LRP1B: variants seen among roughly 807,000 people sequenced by gnomAD.
LRP1B encodes the protein low-density lipoprotein receptor-related protein 1B.
LRP1B carries 217 observed loss-of-function variants against 556.6 expected under a neutral mutation model. The ratio of observed to expected loss-of-function variants is 0.39; its 90% confidence interval spans 0.35 to 0.44. The LOEUF is 0.44. LRP1B is among the 20% of genes least tolerant of loss of function. The pLI, the probability that LRP1B is intolerant of heterozygous loss-of-function variation, is 1.00. For missense variants in LRP1B, 5,053 were observed against 5,620.8 expected, an observed-to-expected ratio of 0.90 and a Z score of 3.23; for synonymous variants, 2,047 against 1,865.8, an observed-to-expected ratio of 1.10 and a Z score of -2.50.
chr2:141,140,154 CAGAA>C (rs1219122855), intron 7 of LRP1B, among the ~76,000 whole-genome samples: 1 of 151,848 alleles, frequency 6.6e-6, no homozygotes, highest in Non-Finnish European at 1.5e-5. Context: ...TCTGTAGTAA[CAGAA>C]AGCAGATCAC....
intron 35 of LRP1B, among the ~76,000 whole-genome samples, chr2:140,730,811 C>T (rs547625545): frequency 2.4e-4 from 37 of 152,264 alleles, no homozygotes; most frequent in African/African-American, 8.7e-4. Flanking sequence ...CCTGCCTCGG[C>T]CTCCCAAATT....
At chr2:140,755,066 A>G (rs1344101028) in intron 35 of LRP1B, among the ~76,000 whole-genome samples, 3 of 152,078 alleles carry the variant, frequency 2.0e-5, no homozygotes, top group South Asian at 2.1e-4. Flanking sequence ...CAAAAATTAC[A>G]TAACTTAGAT....
rs537297381 is a variant in LRP1B at position 141,262,295 on chromosome 2, G to A, written c.344-7654C>T. The stretch of plus-strand genomic sequence containing the variant: ...AGACGGAGTGTGTGTGTGTGTGTGC[G>A]TGCATGTGTGAGCGTGTATATGTAT... On this transcript the variant is annotated intron_variant, in intron 3 of 90. Coordinates refer to ENST00000389484, the MANE Select transcript of LRP1B (RefSeq NM_018557.3). Among the ~76,000 whole-genome samples the A allele has an allele frequency of 5.9e-5, 9 of 151,698 alleles. No homozygotes were observed. In the South Asian group the frequency reaches 1.3e-3, roughly 21 times the overall value.
intron 37 of LRP1B, among the ~76,000 whole-genome samples, chr2:140,707,899 G>A (rs1163774943): frequency 6.6e-6 from 1 of 152,058 alleles, no homozygotes; most frequent in Non-Finnish European, 1.5e-5. Flanking sequence ...TATAAAACCA[G>A]TCTACCCTTG....
intron 1 of LRP1B, among the ~76,000 whole-genome samples, chr2:141,887,670 T>C (rs1206368139): frequency 6.6e-6 from 1 of 152,202 alleles, no homozygotes; most frequent in Non-Finnish European, 1.5e-5. Flanking sequence ...CTAAATGAGA[T>C]GCACTTCCAA....
At chr2:140,296,129 A>G (rs2104996905) in intron 84 of LRP1B, among the ~76,000 whole-genome samples, 1 of 152,326 alleles carries the variant, frequency 6.6e-6, no homozygotes, top group Non-Finnish European at 1.5e-5. Flanking sequence ...AAATATTCCA[A>G]TATCCAACAG....
In LRP1B at chr2:140,506,856, G is replaced by T. The variant is rs1450147236; in HGVS notation, c.8461C>A (p.Gln2821Lys). 1 of 1,613,976 alleles carries T rather than the reference G, an allele frequency of 6.2e-7. No individual in the cohort carries two copies. The change falls in exon 53 of 91, where the codon CAA becomes AAA. Residue 2821 changes from glutamine to lysine, a missense_variant. This residue lies in a region of LRP1B where 3,619 missense variants were observed against 3,931.9 expected (regional missense o/e 0.92). Coordinates refer to ENST00000389484, the MANE Select transcript of LRP1B (RefSeq NM_018557.3). The part of the protein sequence containing the change: ...MCHNKVCIPK[Q>K]FVCDHDDDCG... Reference sequence around the variant, plus strand: ...TCGTCATCATGGTCACAAACAAATTGCTTGGGAATGCATACTTTATTATGG... The same window carrying T: ...TCGTCATCATGGTCACAAACAAATTTCTTGGGAATGCATACTTTATTATGG...
At chr2:141,257,839 T>A (rs1684535684) in intron 3 of LRP1B, among the ~76,000 whole-genome samples, 1 of 152,224 alleles carries the variant, frequency 6.6e-6, no homozygotes, top group Admixed American at 6.5e-5. Context: ...GTGAAAGCAA[T>A]ACTAATTATT....
intron 11 of LRP1B, among the ~76,000 whole-genome samples, chr2:141,035,789 C>T (rs1269226974): frequency 2.0e-5 from 3 of 152,036 alleles, no homozygotes; most frequent in Non-Finnish European, 4.4e-5. Context: ...GTAGAAAACA[C>T]TTAAATCTTT....
chr2:140,925,024 A>G (rs1243867876), intron 20 of LRP1B, among the ~76,000 whole-genome samples: 1 of 152,136 alleles, frequency 6.6e-6, no homozygotes, highest in Non-Finnish European at 1.5e-5. Flanking sequence ...AAAATCAGTC[A>G]ACAATATAGT....
At chr2:141,610,790 G>T (rs1328676330) in intron 2 of LRP1B, among the ~76,000 whole-genome samples, 1 of 152,194 alleles carries the variant, frequency 6.6e-6, no homozygotes. Flanking sequence ...ATGCAAAGCT[G>T]ATGATTAGGA....
In LRP1B at chr2:141,525,208, G is replaced by A. The variant is rs374126930; in HGVS notation, c.206-44675C>T. 5.3e-5 allele frequency among the ~76,000 whole-genome samples: 8 copies of A among 152,012 alleles called. No individual in the cohort carries two copies. The East Asian group carries it at 7.7e-4, about 15-fold the overall frequency. ...CATGAGTGGGTTTTAGGTGATGCTC[G>A]GCTGAGAGAAAGATATGGAAGTCTT... On this transcript the variant is annotated intron_variant, in intron 2 of 90. Coordinates refer to ENST00000389484, the MANE Select transcript of LRP1B (RefSeq NM_018557.3).
chr2:140,269,402 A>T, intron 86 of LRP1B: 1 of 469,008 alleles, frequency 2.1e-6, no homozygotes, highest in South Asian at 1.6e-5. Context: ...TCAGTAAAAT[A>T]CAGCTAAATA....
At chr2:141,171,410 C>A (rs1329067467) in intron 7 of LRP1B, among the ~76,000 whole-genome samples, 1 of 152,056 alleles carries the variant, frequency 6.6e-6, no homozygotes, top group African/African-American at 2.4e-5. Context: ...TTCCCTGTCC[C>A]AAAATGTCAT....
chr2:140,836,105 G>T (rs1691893538), intron 31 of LRP1B, among the ~76,000 whole-genome samples: 1 of 152,002 alleles, frequency 6.6e-6, no homozygotes, highest in Non-Finnish European at 1.5e-5. Flanking sequence ...GAAGATGTAG[G>T]CTCTTCTAAA....
chr2:140,923,086 G>A lies in LRP1B; in HGVS notation c.3198C>T (p.Cys1066=), dbSNP rs113936693. The A allele has an allele frequency of 5.8e-4, 929 of 1,612,722 alleles. 5 individuals carry two copies. The African/African-American group carries it at 0.011, about 18-fold the overall frequency. ...NEFQCHPDGN[C]VPDLWRCDGE... ...CATCACAGCGCCACAAATCAGGAAC[G>A]CAATTACCATCAGGGTGGCACTGAA... Residue 1066 remains cysteine, a synonymous_variant, in exon 21 of 91, where the codon TGC becomes TGT. Transcript: ENST00000389484.
chr2:141,167,985 A>G (rs918948409), intron 7 of LRP1B, among the ~76,000 whole-genome samples: 2 of 152,090 alleles, frequency 1.3e-5, no homozygotes, highest in Non-Finnish European at 2.9e-5. Context: ...TTGACAAATA[A>G]TAGAAATAAA....
intron 2 of LRP1B, among the ~76,000 whole-genome samples, chr2:141,557,305 G>T (rs1685995756): frequency 6.6e-6 from 1 of 151,820 alleles, no homozygotes; most frequent in African/African-American, 2.4e-5. Context: ...ATTAATTCTT[G>T]ACTAACAGTC....
At chr2:141,576,926 G>A (rs1051612452) in intron 2 of LRP1B, among the ~76,000 whole-genome samples, 2 of 151,288 alleles carry the variant, frequency 1.3e-5, no homozygotes, top group African/African-American at 4.9e-5. Flanking sequence ...CCAGAGTGCT[G>A]GGATAACAAA....
Sources: gnomAD v4.1 joint callset for allele counts (sites outside exome capture counted in the v4.1 genomes callset) on GRCh38, gnomAD v4.1.1 for gene constraint, gnomAD v4.1.1 regional missense constraint, MANE v1.5 for transcripts, NCBI Gene and HGNC (gene_info 2026-07-23, HGNC 2026-07-21) for gene names.